TACR1: variants seen among roughly 807,000 people sequenced by gnomAD.
TACR1 encodes the protein tachykinin receptor 1, also known as substance-P receptor.
A neutral mutation model predicts 35.8 loss-of-function variants in TACR1; 25 were observed. The ratio of observed to expected loss-of-function variants is 0.70; its 90% confidence interval spans 0.51 to 0.98. The LOEUF (loss-of-function observed/expected upper bound fraction) is 0.98. TACR1 is among the 50% of genes least tolerant of loss of function. The probability of loss-of-function intolerance (pLI) is 0.00; values close to 1 mark genes in which losing one functional copy is unlikely to be tolerated. For synonymous variants in TACR1, 195 were observed against 206.7 expected (o/e 0.94, Z 0.48); for missense variants, 478 against 522.9 (o/e 0.91, Z 0.84).
chr2:75,076,776 A>G (rs556006234), intron 2 of TACR1, among the ~76,000 whole-genome samples: 15 of 152,056 alleles, frequency 9.9e-5, no homozygotes, highest in Non-Finnish European at 2.1e-4. Flanking sequence ...TTCTGAAGTG[A>G]TGGGATTGTG....
intron 1 of TACR1, among the ~76,000 whole-genome samples, chr2:75,182,041 G>A (rs542616534): frequency 6.6e-6 from 1 of 152,334 alleles, no homozygotes; most frequent in East Asian, 1.9e-4. Flanking sequence ...GGGAATTCCA[G>A]GTACTTTCTA....
intron 1 of TACR1, among the ~76,000 whole-genome samples, chr2:75,152,708 A>G (rs1328557084): frequency 6.6e-6 from 1 of 152,224 alleles, no homozygotes; most frequent in African/African-American, 2.4e-5. Flanking sequence ...TTAATAAATG[A>G]TTGATAAATA....
At chr2:75,098,577 A>G (rs991590824) in intron 2 of TACR1, among the ~76,000 whole-genome samples, 1 of 152,162 alleles carries the variant, frequency 6.6e-6, no homozygotes, top group Non-Finnish European at 1.5e-5. Context: ...CTTGAGGACC[A>G]CAAAGCCTTG....
intron 1 of TACR1, among the ~76,000 whole-genome samples, chr2:75,157,535 AAGAAG>A (rs1265263965): frequency 6.6e-6 from 1 of 152,204 alleles, no homozygotes; most frequent in Non-Finnish European, 1.5e-5. Flanking sequence ...CAATGTGTCA[AAGAAG>A]GGGCAGGTAA....
chr2:75,088,713 G>T (rs115676714), intron 2 of TACR1, among the ~76,000 whole-genome samples: 8 of 152,242 alleles, frequency 5.3e-5, no homozygotes, highest in African/African-American at 1.9e-4. Flanking sequence ...CAATCACCAT[G>T]TGTGGGGTGA....
chr2:75,111,369 G>T (rs1015096151), intron 2 of TACR1, among the ~76,000 whole-genome samples: 3 of 151,952 alleles, frequency 2.0e-5, no homozygotes, highest in Admixed American at 6.6e-5. Flanking sequence ...AGTTTCCCCA[G>T]AATATGTTTT....
chr2:75,181,020 CT>C (rs1402612705), intron 1 of TACR1, among the ~76,000 whole-genome samples: 1 of 152,192 alleles, frequency 6.6e-6, no homozygotes, highest in Non-Finnish European at 1.5e-5. Flanking sequence ...CTGGGAGAAG[CT>C]TTAACTTCTT....
At chr2:75,170,824 GA>G (rs1259320866) in intron 1 of TACR1, among the ~76,000 whole-genome samples, 1 of 152,184 alleles carries the variant, frequency 6.6e-6, no homozygotes, top group Admixed American at 6.5e-5. Flanking sequence ...GCATCTGGCG[GA>G]AGAAATTTCT....
chr2:75,060,453 C>T (rs1051671878), intron 2 of TACR1, among the ~76,000 whole-genome samples: 1 of 151,830 alleles, frequency 6.6e-6, no homozygotes, highest in African/African-American at 2.4e-5. Flanking sequence ...GTGAGTTGGG[C>T]ACTATAGGGA....
At chr2:75,154,406 G>GCGCACACACA (rs1264139655) in intron 1 of TACR1, 1 of 78,514 alleles carries the variant, frequency 1.3e-5, no homozygotes, top group Non-Finnish European at 2.5e-5. Context: ...CCAAGAGCGC[G>GCGCACACACA]CACGCACACA....
At chr2:75,148,261 T>C (rs774811743) in intron 1 of TACR1, among the ~76,000 whole-genome samples, 6 of 152,128 alleles carry the variant, frequency 3.9e-5, no homozygotes, top group Admixed American at 6.5e-5. Context: ...GGTCAAATGG[T>C]TTTTCTAGTT....
At chr2:75,120,507 G>C (rs1290880006) in intron 2 of TACR1, 67 bp downstream of exon 2, 1 of 1,406,450 alleles carries the variant, frequency 7.1e-7, no homozygotes, top group Non-Finnish European at 9.7e-7. Context: ...GAAAGAAAGA[G>C]CAAGAAGGGG....
intron 1 of TACR1, among the ~76,000 whole-genome samples, chr2:75,170,715 C>A (rs986519296): frequency 5.9e-5 from 9 of 152,246 alleles, no homozygotes; most frequent in Middle Eastern, 3.4e-3. Context: ...GGAACTGGAG[C>A]AAAGGTGGCT....
At chr2:75,142,774 C>T (rs955841892) in intron 1 of TACR1, among the ~76,000 whole-genome samples, 9 of 152,142 alleles carry the variant, frequency 5.9e-5, no homozygotes, top group African/African-American at 1.7e-4. Flanking sequence ...AACTCAAATT[C>T]GGCTGATTCT....
chr2:75,127,671 A>T (rs1322079239), intron 1 of TACR1, among the ~76,000 whole-genome samples: 6 of 152,194 alleles, frequency 3.9e-5, no homozygotes, highest in Non-Finnish European at 8.8e-5. Context: ...TCAAACAGTG[A>T]CCCATATTGT....
chr2:75,147,920 A>AT (rs1285781161), intron 1 of TACR1, among the ~76,000 whole-genome samples: 1 of 151,012 alleles, frequency 6.6e-6, no homozygotes, highest in East Asian at 1.9e-4. Context: ...AATTTTTTGT[A>AT]TTTTTTTAGT....
intron 2 of TACR1, among the ~76,000 whole-genome samples, chr2:75,082,114 C>T (rs1473915351): frequency 6.6e-6 from 1 of 152,070 alleles, no homozygotes; most frequent in Non-Finnish European, 1.5e-5. Flanking sequence ...TGTTTCCCTT[C>T]CTGTGTCCAA....
At chr2:75,192,338 A>C (rs375254559) in intron 1 of TACR1, among the ~76,000 whole-genome samples, 1 of 152,222 alleles carries the variant, frequency 6.6e-6, no homozygotes, top group African/African-American at 2.4e-5. Context: ...TGCTACGTGG[A>C]AGAGGCCTGA....
chr2:75,136,956 C>A (rs1031620589), intron 1 of TACR1, among the ~76,000 whole-genome samples: 1 of 152,094 alleles, frequency 6.6e-6, no homozygotes, highest in East Asian at 1.9e-4. Flanking sequence ...TGGCTTAGGC[C>A]GGGGTCTCAA....
Sources: gnomAD v4.1 joint callset for allele counts (sites outside exome capture counted in the v4.1 genomes callset) on GRCh38, gnomAD v4.1.1 for gene constraint, MANE v1.5 for transcripts, NCBI Gene and HGNC (gene_info 2026-07-23, HGNC 2026-07-21) for gene names.